Variants in IKBIP observed in about 807,000 individuals in gnomAD.
IKBIP encodes the protein inhibitor of nuclear factor kappa-B kinase-interacting protein.
In IKBIP, 28 loss-of-function variants were observed where a neutral mutation model predicts 31.0. That is an observed-to-expected ratio of 0.90 (90% CI 0.67 to 1.24). IKBIP has a LOEUF of 1.24. Ranked by LOEUF, IKBIP falls within the 50% of genes most tolerant of loss-of-function variation. The pLI is 0.00. For missense variants in IKBIP, 453 were observed against 441.9 expected, an observed-to-expected ratio of 1.03 and a Z score of -0.23; for synonymous variants, 164 against 160.3, an observed-to-expected ratio of 1.02 and a Z score of -0.17.
chr12:98,635,111 T>C (rs1366480300), intron 1 of IKBIP, among the ~76,000 whole-genome samples: 4 of 151,808 alleles, frequency 2.6e-5, no homozygotes, highest in Non-Finnish European at 5.9e-5. Flanking sequence ...GTTCAAGCGA[T>C]TCTCCTCCTC....
rs565986675 is a variant in IKBIP, at chr12:98,641,662, A to G, written c.179+2861T>C. ...TGCCCATAAAAAACACATATAATACATACATTTTAGAGAGACAGGGTCTTG... is the reference window on the plus strand; with the variant it reads ...TGCCCATAAAAAACACATATAATACGTACATTTTAGAGAGACAGGGTCTTG... On this transcript the variant is annotated intron_variant, in intron 1 of 2. Transcript: ENST00000299157. Among the ~76,000 whole-genome samples the G allele has an allele frequency of 3.9e-5, 6 of 152,234 alleles. No individual in the cohort carries two copies. In the East Asian group the frequency reaches 1.2e-3, roughly 29 times the overall value.
intron 2 of IKBIP, among the ~76,000 whole-genome samples, chr12:98,617,955 A>G (rs2097607175): frequency 6.6e-6 from 1 of 152,252 alleles, no homozygotes; most frequent in Non-Finnish European, 1.5e-5. Context: ...TTGACAGCAT[A>G]TACTGTACTA....
Position 98,614,327 on chromosome 12 carries a change from TCA to T in IKBIP, c.309_310del (p.Glu104SerfsTer23), listed in dbSNP as rs779175293. 1.9e-6 allele frequency: 3 copies of T among 1,550,768 alleles called. No individual in the cohort carries two copies. The African/African-American group carries it at 4.1e-5, about 21-fold the overall frequency. The stretch of plus-strand genomic sequence containing the variant: ...AGACTTCAATTGTTCCATGATAGCT[TCA>T]GATTTCTGCCACTATAAGAAAATAT... On this transcript the variant is annotated frameshift_variant, in exon 3 of 3. Transcript: ENST00000342502. LOFTEE classifies it high-confidence loss of function.
chr12:98,621,811 C>T (rs2097610357), downstream of IKBIP, among the ~76,000 whole-genome samples: 2 of 152,162 alleles, frequency 1.3e-5, no homozygotes, highest in Admixed American at 1.3e-4. Flanking sequence ...GACGCGGTGG[C>T]TCATGTCTGT....
chr12:98,631,242 A>G (rs1000725555), intron 2 of IKBIP, among the ~76,000 whole-genome samples: 1 of 149,378 alleles, frequency 6.7e-6, no homozygotes, highest in Non-Finnish European at 1.5e-5. Context: ...CCAAGACTGA[A>G]TATTTTTTGG....
At chr12:98,639,848 T>C (rs1269813187) in intron 1 of IKBIP, among the ~76,000 whole-genome samples, 4 of 152,244 alleles carry the variant, frequency 2.6e-5, no homozygotes. Context: ...CATTTAGCCC[T>C]ATGTTTCATA....
chr12:98,618,842 CAAAT>C (rs1288859337), intron 2 of IKBIP, among the ~76,000 whole-genome samples: 2 of 152,134 alleles, frequency 1.3e-5, no homozygotes, highest in Non-Finnish European at 1.5e-5. Context: ...TTACTTAACA[CAAAT>C]AAAAATGAAT....
intron 2 of IKBIP, among the ~76,000 whole-genome samples, chr12:98,629,405 CA>C (rs1357249874): frequency 7.2e-6 from 1 of 138,088 alleles, no homozygotes; most frequent in Non-Finnish European, 1.6e-5. Context: ...AACAAACAAA[CA>C]AAATTAGTTG....
Position 98,614,126 on chromosome 12 carries a change from T to C in IKBIP, c.512A>G (p.Lys171Arg), listed in dbSNP as rs142590302. The stretch of plus-strand genomic sequence containing the variant: ...TATATCTGTTTTTACACTTGTAATC[T>C]TGAGACCAACATCTTTTGCCATGGA... The change falls in exon 3 of 3, where the codon AAG (lysine) becomes AGG (arginine). Residue 171 changes from lysine to arginine, a missense_variant. Coordinates refer to the IKBIP transcript ENST00000342502. 6.7e-4 allele frequency: 1,082 copies of C among 1,613,618 alleles called. 1 individual carries two copies. Among genetic ancestry groups the C allele is most frequent in the Non-Finnish European group, 8.6e-4 (1,019 of 1,179,868 alleles).
At chr12:98,642,515 T>C (rs2097631383) in intron 1 of IKBIP, among the ~76,000 whole-genome samples, 1 of 152,146 alleles carries the variant, frequency 6.6e-6, no homozygotes, top group South Asian at 2.1e-4. Flanking sequence ...GAGCCGTTTA[T>C]TTAAAACAGT....
intron 2 of IKBIP, among the ~76,000 whole-genome samples, chr12:98,630,357 T>A (rs965416251): frequency 3.8e-5 from 4 of 104,888 alleles, no homozygotes; most frequent in Non-Finnish European, 6.9e-5. Flanking sequence ...CACTCCAGCC[T>A]GGGCAACAAG....
intron 2 of IKBIP, among the ~76,000 whole-genome samples, chr12:98,629,433 C>A (rs1233872813): frequency 6.6e-6 from 1 of 152,028 alleles, no homozygotes; most frequent in African/African-American, 2.4e-5. Context: ...GTGGTGTGCG[C>A]CTGTAGTCCC....
chr12:98,616,121 G>T (rs2097606156), intron 2 of IKBIP, among the ~76,000 whole-genome samples: 1 of 151,918 alleles, frequency 6.6e-6, no homozygotes, highest in Admixed American at 6.6e-5. Flanking sequence ...GTGTACGATG[G>T]TTCCCTTTTC....
chr12:98,630,990 T>C (rs1274548511), intron 2 of IKBIP, among the ~76,000 whole-genome samples: 2 of 151,750 alleles, frequency 1.3e-5, no homozygotes, highest in Non-Finnish European at 2.9e-5. Context: ...TGGAGTGCAA[T>C]GGCATGATCT....
At chr12:98,635,558 A>G (rs1218006433) in intron 1 of IKBIP, among the ~76,000 whole-genome samples, 2 of 152,226 alleles carry the variant, frequency 1.3e-5, no homozygotes, top group Non-Finnish European at 2.9e-5. Flanking sequence ...AATATTTTAG[A>G]GGAGGACAAA....
intron 2 of IKBIP, among the ~76,000 whole-genome samples, chr12:98,627,532 A>G (rs757999674): frequency 1.4e-5 from 2 of 147,726 alleles, no homozygotes; most frequent in South Asian, 2.1e-4. Context: ...TCCGCCTCCC[A>G]GGTTCAAGCC....
intron 1 of IKBIP, among the ~76,000 whole-genome samples, chr12:98,642,003 G>C (rs971080794): frequency 6.6e-6 from 1 of 152,106 alleles, no homozygotes; most frequent in Non-Finnish European, 1.5e-5. Flanking sequence ...TGCAAACATA[G>C]TTCAAATTAA....
chr12:98,636,223 C>A (rs779002438), intron 1 of IKBIP, among the ~76,000 whole-genome samples: 45 of 152,184 alleles, frequency 3.0e-4, no homozygotes, highest in Non-Finnish European at 5.4e-4. Flanking sequence ...AATAACCTGG[C>A]AGCTTTAACA....
chr12:98,630,168 G>A (rs1216969379), intron 2 of IKBIP, among the ~76,000 whole-genome samples: 1 of 151,976 alleles, frequency 6.6e-6, no homozygotes, highest in Non-Finnish European at 1.5e-5. Flanking sequence ...TGGACCACCT[G>A]AGGTCGGGAG....
Sources: gnomAD v4.1 joint callset for allele counts (sites outside exome capture counted in the v4.1 genomes callset) on GRCh38, gnomAD v4.1.1 for gene constraint, MANE v1.5 for transcripts, NCBI Gene and HGNC (gene_info 2026-07-23, HGNC 2026-07-21) for gene names.